FAF1: variants seen among roughly 807,000 people sequenced by gnomAD.
FAF1 encodes the protein Fas associated factor 1, also known as FAS-associated factor 1.
FAF1 carries 25 observed loss-of-function variants against 92.5 expected under a neutral mutation model. The ratio of observed to expected loss-of-function variants is 0.27; its 90% CI spans 0.20 to 0.38. The LOEUF is 0.38. Among genes scored for constraint, FAF1 ranks in the 10% least tolerant of loss-of-function variants. The pLI is 1.00. For missense variants in FAF1, 636 were observed against 793.3 expected, an observed-to-expected ratio of 0.80 and a Z score of 2.38; for synonymous variants, 234 against 273.2, an observed-to-expected ratio of 0.86 and a Z score of 1.42.
chr1:50,457,946 G>A (rs537469654), intron 18 of FAF1, among the ~76,000 whole-genome samples: 2 of 151,928 alleles, frequency 1.3e-5, no homozygotes, highest in African/African-American at 4.8e-5. Context: ...GGGCGCGGTG[G>A]CTCACACCTT....
intron 7 of FAF1, among the ~76,000 whole-genome samples, chr1:50,671,179 C>G (rs1293521171): frequency 6.6e-6 from 1 of 152,000 alleles, no homozygotes; most frequent in African/African-American, 2.4e-5. Flanking sequence ...CTGAGGCAGG[C>G]AGATCACTGG....
chr1:50,554,390 T>TAGAGAGAGAGAGAGAGAGAGAGAG (rs34360366), intron 13 of FAF1, among the ~76,000 whole-genome samples: 7 of 93,680 alleles, frequency 7.5e-5, no homozygotes, highest in African/African-American at 2.4e-4. Context: ...TATATATATA[T>TAGAGAGAGAGAGAGAGAGAGAGAG]AGAGAGAGAG....
chr1:50,836,919 CCAATTGTCTCTTA>C (rs1298081879), intron 2 of FAF1, among the ~76,000 whole-genome samples: 1 of 149,726 alleles, frequency 6.7e-6, no homozygotes, highest in Non-Finnish European at 1.5e-5. Flanking sequence ...TCCAACTCTT[CCAATTGTCTCTTA>C]CAAGTGTATG....
At chr1:50,649,477 G>A (rs1336931166) in intron 8 of FAF1, among the ~76,000 whole-genome samples, 1 of 152,098 alleles carries the variant, frequency 6.6e-6, no homozygotes, top group Non-Finnish European at 1.5e-5. Flanking sequence ...AAGCCACTGT[G>A]TAATGGTTTT....
At chr1:50,637,713 G>GTGCA (rs34827993) in intron 8 of FAF1, among the ~76,000 whole-genome samples, 1 of 149,716 alleles carries the variant, frequency 6.7e-6, no homozygotes, top group African/African-American at 2.5e-5. Context: ...GTGTGTGTGT[G>GTGCA]CGTGTGCATA....
chr1:50,833,090 C>T (rs1219179470), intron 2 of FAF1, among the ~76,000 whole-genome samples: 1 of 152,070 alleles, frequency 6.6e-6, no homozygotes, highest in Non-Finnish European at 1.5e-5. Context: ...CCAACTGGGT[C>T]TCCAACAATT....
intron 1 of FAF1, among the ~76,000 whole-genome samples, chr1:50,938,484 A>C (rs1013825269): frequency 1.3e-5 from 2 of 152,096 alleles, no homozygotes; most frequent in African/African-American, 2.4e-5. Flanking sequence ...AAACATACAC[A>C]ATCTGCATAG....
chr1:50,804,721 C>T (rs894368055), intron 2 of FAF1, among the ~76,000 whole-genome samples: 4 of 152,018 alleles, frequency 2.6e-5, no homozygotes, highest in East Asian at 3.8e-4. Context: ...TTTTTGTTTG[C>T]TTTTTTTCCC....
intron 7 of FAF1, among the ~76,000 whole-genome samples, chr1:50,655,974 G>C (rs1257717756): frequency 6.6e-6 from 1 of 152,098 alleles, no homozygotes; most frequent in Non-Finnish European, 1.5e-5. Flanking sequence ...GGGCAGGGGA[G>C]GAAAAACCTA....
At chr1:50,724,260 CAT>C (rs1342409801) in intron 6 of FAF1, among the ~76,000 whole-genome samples, 1 of 137,482 alleles carries the variant, frequency 7.3e-6, no homozygotes, top group Non-Finnish European at 1.5e-5. Context: ...AAAAAACAAC[CAT>C]ATATATATAC....
chr1:50,622,555 A>C (rs1653265759), intron 8 of FAF1, among the ~76,000 whole-genome samples: 3 of 152,228 alleles, frequency 2.0e-5, no homozygotes, highest in Non-Finnish European at 2.9e-5. Flanking sequence ...AAAGGATATT[A>C]GTACAATTGT....
intron 18 of FAF1, 48 bp from the exon 19 acceptor site, chr1:50,441,571 A>G: frequency 9.0e-7 from 1 of 1,112,746 alleles, no homozygotes; most frequent in Non-Finnish European, 1.3e-6. Flanking sequence ...CAAGCACTAT[A>G]TTCTCTACAT....
chr1:50,517,604 C>T (rs1184007847), intron 15 of FAF1, among the ~76,000 whole-genome samples: 1 of 152,174 alleles, frequency 6.6e-6, no homozygotes, highest in Non-Finnish European at 1.5e-5. Context: ...ACAAGCTCCC[C>T]AGGTGATTGT....
At chr1:50,453,980 T>C (rs1372179871) in intron 18 of FAF1, among the ~76,000 whole-genome samples, 1 of 152,238 alleles carries the variant, frequency 6.6e-6, no homozygotes, top group African/African-American at 2.4e-5. Flanking sequence ...AGTCACTTTT[T>C]GTCCTCTGAG....
intron 6 of FAF1, among the ~76,000 whole-genome samples, chr1:50,711,463 CTTTT>C (rs1160668174): frequency 1.2e-5 from 1 of 81,978 alleles, no homozygotes; most frequent in African/African-American, 5.1e-5. Flanking sequence ...TCCACACTGA[CTTTT>C]TTTTTTTTTT....
At chr1:50,514,748 A>C (rs1647190496) in intron 15 of FAF1, among the ~76,000 whole-genome samples, 1 of 152,192 alleles carries the variant, frequency 6.6e-6, no homozygotes, top group African/African-American at 2.4e-5. Flanking sequence ...AGCTGGATTT[A>C]GGACTGGCTT....
chr1:50,632,721 T>G (rs1477678924), intron 8 of FAF1, among the ~76,000 whole-genome samples: 1 of 152,198 alleles, frequency 6.6e-6, no homozygotes. Context: ...TAACATCAGC[T>G]ACCCAGACAG....
At position 50,730,575 on chromosome 1, in the gene FAF1, G is replaced by A. The variant is rs946492259; in HGVS notation, c.551+8288C>T. Among the ~76,000 whole-genome samples, 11 of 151,998 alleles carry A rather than the reference G, an allele frequency of 7.2e-5. 1 individual carries two copies. The South Asian group carries it at 2.3e-3, about 31-fold the overall frequency. ...TCAATTATTTTCTATCTTTCTTATT[G>A]TAGTGAATTCTTTAATTTTATGTTG... On this transcript the variant is annotated intron_variant, in intron 6 of 18. Transcript: ENST00000396153.
At chr1:50,616,681 A>ATTT (rs201295380) in intron 8 of FAF1, among the ~76,000 whole-genome samples, 3 of 136,158 alleles carry the variant, frequency 2.2e-5, no homozygotes, top group Non-Finnish European at 3.2e-5. Context: ...TTGTATACTG[A>ATTT]TTTTTTTTTT....
Sources: allele counts gnomAD v4.1 joint callset (sites outside exome capture counted in the v4.1 genomes callset), GRCh38; gene constraint gnomAD v4.1.1; transcripts MANE v1.5; gene names NCBI Gene and HGNC (gene_info 2026-07-23, HGNC 2026-07-21).